Variants in SND1 observed in about 807,000 individuals in gnomAD.
SND1 encodes the protein staphylococcal nuclease domain-containing protein 1.
A neutral mutation model predicts 121.7 loss-of-function variants in SND1; 38 were observed. The ratio of observed to expected loss-of-function variants is 0.31; its 90% CI spans 0.24 to 0.41. The LOEUF (loss-of-function observed/expected upper bound fraction) is 0.41, where lower values mean the gene tolerates loss of function less well. SND1 is among the 10% of genes least tolerant of loss of function. The probability of loss-of-function intolerance (pLI) is 1.00; values close to 1 mark genes in which losing one functional copy is unlikely to be tolerated. For missense variants in SND1, 868 were observed against 1,184.6 expected (o/e 0.73, Z 3.92); for synonymous variants, 401 against 447.4 (o/e 0.90, Z 1.31).
intron 9 of SND1, among the ~76,000 whole-genome samples, chr7:127,716,304 T>C (rs1013975597): frequency 3.3e-5 from 5 of 152,232 alleles, no homozygotes; most frequent in African/African-American, 1.2e-4. Context: ...TTGGGTAGTA[T>C]TGACATCTTG....
intron 11 of SND1, among the ~76,000 whole-genome samples, chr7:127,812,438 G>A (rs115686858): frequency 0.013 from 1,908 of 152,238 alleles, 51 homozygotes; most frequent in African/African-American, 0.043. Flanking sequence ...CATGTTCTTC[G>A]CCTAAATATA....
At chr7:127,941,773 T>TGTC (rs1801209502) in intron 15 of SND1, among the ~76,000 whole-genome samples, 1 of 151,418 alleles carries the variant, frequency 6.6e-6, no homozygotes, top group South Asian at 2.1e-4. Context: ...TCATGAATGA[T>TGTC]GTCGTATGTG....
At chr7:127,714,937 A>T (rs772809648) in intron 9 of SND1, among the ~76,000 whole-genome samples, 2 of 152,200 alleles carry the variant, frequency 1.3e-5, no homozygotes, top group Non-Finnish European at 2.9e-5. Context: ...TTTAACTATT[A>T]TGAACAATGC....
intron 11 of SND1, among the ~76,000 whole-genome samples, chr7:127,843,305 T>C (rs986575189): frequency 6.6e-6 from 1 of 152,144 alleles, no homozygotes; most frequent in Non-Finnish European, 1.5e-5. Flanking sequence ...GGCTTTGATA[T>C]ATGTATAGTG....
At chr7:127,742,681 A>G (rs889729878) in intron 10 of SND1, among the ~76,000 whole-genome samples, 1 of 151,998 alleles carries the variant, frequency 6.6e-6, no homozygotes, top group Non-Finnish European at 1.5e-5. Context: ...CTGTGTAGTC[A>G]TTTTCTAAAA....
chr7:128,049,096 C>T (rs1793002620), intron 16 of SND1, among the ~76,000 whole-genome samples: 1 of 152,164 alleles, frequency 6.6e-6, no homozygotes, highest in South Asian at 2.1e-4. Flanking sequence ...AAGGTCTGCT[C>T]CTTTTGCAGT....
At chr7:128,030,223 T>C in intron 16 of SND1, 1 of 1,614,156 alleles carries the variant, frequency 6.2e-7, no homozygotes, top group South Asian at 1.1e-5. Flanking sequence ...AAGGCCCCGC[T>C]AGGGATGACT....
intron 9 of SND1, among the ~76,000 whole-genome samples, chr7:127,708,698 G>GT (rs1796248545): frequency 6.6e-6 from 1 of 152,044 alleles, no homozygotes; most frequent in Non-Finnish European, 1.5e-5. Context: ...CTATAAAAAT[G>GT]TTTTTTCTTA....
At chr7:127,969,933 T>G (rs1164047496) in intron 15 of SND1, among the ~76,000 whole-genome samples, 1 of 152,210 alleles carries the variant, frequency 6.6e-6, no homozygotes, top group Non-Finnish European at 1.5e-5. Context: ...TTCTATAAAT[T>G]AGAGTTTCTC....
At chr7:128,001,180 T>C (rs1420129811) in intron 16 of SND1, among the ~76,000 whole-genome samples, 1 of 152,194 alleles carries the variant, frequency 6.6e-6, no homozygotes, top group East Asian at 1.9e-4. Flanking sequence ...GTGCATGAAA[T>C]AAGATTATGA....
intron 15 of SND1, among the ~76,000 whole-genome samples, chr7:127,939,877 G>A (rs192451903): frequency 2.0e-5 from 3 of 152,234 alleles, no homozygotes; most frequent in East Asian, 1.9e-4. Context: ...TCTGACTAGT[G>A]TTTCTACTCT....
chr7:127,723,975 A>C (rs1433831231), intron 10 of SND1, among the ~76,000 whole-genome samples: 1 of 152,210 alleles, frequency 6.6e-6, no homozygotes, highest in Non-Finnish European at 1.5e-5. Flanking sequence ...ACTACATTTT[A>C]ATTCATCATA....
chr7:127,996,605 G>A (rs557450640), intron 16 of SND1, among the ~76,000 whole-genome samples: 3 of 152,272 alleles, frequency 2.0e-5, no homozygotes, highest in South Asian at 4.1e-4. Context: ...AGTAATGGAC[G>A]CCCAGTGAGG....
chr7:127,727,908 T>G (rs1796611209), intron 10 of SND1, among the ~76,000 whole-genome samples: 1 of 152,180 alleles, frequency 6.6e-6, no homozygotes, highest in Admixed American at 6.5e-5. Flanking sequence ...ATATATGTCC[T>G]GATTTTTAAG....
chr7:127,846,448 G>A lies in SND1; in HGVS notation c.1343+2024G>A, dbSNP rs1799064008. On this transcript the variant is annotated intron_variant, in intron 12 of 23. Transcript: ENST00000354725. ...TGAACTATAGTTTGTGGTTAAATGG[G>A]TAGGCTGCAAACAGGAGAAATGTAA... Among the ~76,000 whole-genome samples the A allele has an allele frequency of 2.0e-5, 3 of 152,224 alleles. No individual in the cohort carries two copies. In the South Asian group the frequency reaches 6.2e-4, roughly 32 times the overall value.
At chr7:127,868,116 G>C (rs1416696456) in intron 12 of SND1, among the ~76,000 whole-genome samples, 2 of 152,150 alleles carry the variant, frequency 1.3e-5, no homozygotes, top group Non-Finnish European at 2.9e-5. Context: ...AGTAGGTCAG[G>C]CATGGTGGCT....
Position 127,697,951 on chromosome 7 carries a change from A to G in SND1, c.350-924A>G, listed in dbSNP as rs149820417. Among the ~76,000 whole-genome samples, 16 of 152,294 alleles carry G rather than the reference A, an allele frequency of 1.1e-4. No individual in the cohort carries two copies. The East Asian group carries it at 2.9e-3, about 28-fold the overall frequency. On this transcript the variant is annotated intron_variant, in intron 3 of 23. Coordinates refer to ENST00000354725, the MANE Select transcript of SND1 (RefSeq NM_014390.4). ...CCATATTAAAGATTTTTATGTGATT[A>G]TTCCCTCATAGATGTCTTCCTTTAT...
At chr7:127,900,288 C>A (rs1045776196) in intron 13 of SND1, among the ~76,000 whole-genome samples, 1 of 152,096 alleles carries the variant, frequency 6.6e-6, no homozygotes, top group Non-Finnish European at 1.5e-5. Flanking sequence ...TTTGTAAGCT[C>A]ACAAAAATAT....
intron 16 of SND1, among the ~76,000 whole-genome samples, chr7:128,050,872 A>C (rs923212006): frequency 7.9e-5 from 12 of 152,244 alleles, no homozygotes; most frequent in African/African-American, 2.9e-4. Context: ...GGGCTAAGTC[A>C]GTCCTCCTGA....
Sources: allele counts gnomAD v4.1 joint callset (sites outside exome capture counted in the v4.1 genomes callset), GRCh38; gene constraint gnomAD v4.1.1; transcripts MANE v1.5; gene names NCBI Gene and HGNC (gene_info 2026-07-23, HGNC 2026-07-21).